The following GPATCH2L variants were observed in gnomAD, a reference collection of about 807,000 sequenced individuals.
The protein encoded by GPATCH2L is G patch domain-containing protein 2-like.
GPATCH2L carries 31 observed loss-of-function variants against 57.4 expected under a neutral mutation model. The observed-to-expected ratio is 0.54, with a 90% CI of 0.41 to 0.73. The LOEUF (loss-of-function observed/expected upper bound fraction) is 0.73, where lower values mean the gene tolerates loss of function less well. Among genes scored for constraint, GPATCH2L ranks in the 30% least tolerant of loss-of-function variants. The pLI, the probability that GPATCH2L is intolerant of heterozygous loss-of-function variation, is 0.00. For synonymous variants in GPATCH2L, 199 were observed against 210.7 expected (o/e 0.94, Z 0.48); for missense variants, 481 against 599.9 (o/e 0.80, Z 2.07).
intron 8 of GPATCH2L, among the ~76,000 whole-genome samples, chr14:76,192,418 TATG>T (rs1393794472): frequency 4.6e-5 from 7 of 152,266 alleles, no homozygotes; most frequent in African/African-American, 1.7e-4. Flanking sequence ...ACAGCGAAGA[TATG>T]ATGTTATTCT....
At chr14:76,217,278 A>G (rs977909637), downstream of GPATCH2L, among the ~76,000 whole-genome samples, 15 of 152,170 alleles carry the variant, frequency 9.9e-5, no homozygotes, top group Non-Finnish European at 1.9e-4. Context: ...CAGAGACTTT[A>G]TGTGGTCGTA....
rs1401502964 is a variant in GPATCH2L at position 76,195,952 on chromosome 14, C to A, written c.1268C>A (p.Ser423Tyr). 1 of 1,613,104 alleles carries A rather than the reference C, an allele frequency of 6.2e-7. No homozygotes were observed. Residue 423 changes from serine to tyrosine, a missense_variant, in exon 9 of 10, where the codon TCT (serine) becomes TAT (tyrosine). Around this residue, in one of 3 missense-constraint regions of GPATCH2L, gnomAD observed 248 missense variants for 270.5 expected, o/e 0.92. Coordinates refer to ENST00000261530, the MANE Select transcript of GPATCH2L (RefSeq NM_017926.4). ...AAGCGGAAACCAGTGGCCACAGCAT[C>A]TTTGTCTAGCCCCAGTGCAGGTGAT... ...KRKRKPVATA[S>Y]LSSPSAVHMD...
At chr14:76,165,421 G>C (rs539563589) in intron 2 of GPATCH2L, among the ~76,000 whole-genome samples, 1 of 151,602 alleles carries the variant, frequency 6.6e-6, no homozygotes, top group Non-Finnish European at 1.5e-5. Flanking sequence ...GAACCTGGGT[G>C]GTGGAGGTTA....
chr14:76,215,538 T>C (rs1416858871), downstream of GPATCH2L, among the ~76,000 whole-genome samples: 1 of 151,434 alleles, frequency 6.6e-6, no homozygotes, highest in Non-Finnish European at 1.5e-5. Context: ...AATGATAGAC[T>C]GGATTAAGAA....
At chr14:76,177,815 ATCT>A (rs1168352417) in intron 6 of GPATCH2L, 170 bp from the exon 7 acceptor site, 12 of 847,158 alleles carry the variant, frequency 1.4e-5, no homozygotes, top group South Asian at 1.2e-4. Context: ...CCAACATCTT[ATCT>A]TCTTCTCCCT....
chr14:76,211,066 A>G lies in GPATCH2L; in HGVS notation c.*9215A>G, dbSNP rs1220322453. On this transcript the variant is annotated 3_prime_UTR_variant, in exon 10 of 10. Coordinates refer to ENST00000261530, the MANE Select transcript of GPATCH2L (RefSeq NM_017926.4). ...GGCAGTGGAAGAAGTAAAAAAAAAC[A>G]TTGAAAGAAATCCTGAAGGATAAGC... 1 of 152,230 alleles carries G rather than the reference A, an allele frequency of 6.6e-6. No homozygotes were observed. The highest frequency in any genetic ancestry group is 2.4e-5 in the African/African-American group (1 of 41,448). The allele number at this position is 152,230 out of a possible 1,614,324, so 9.4% of individuals were successfully genotyped here. A position where few individuals can be genotyped will look rare whatever the true frequency, so the allele number is the denominator to read the frequency against.
At position 76,201,830 on chromosome 14, in the gene GPATCH2L, A is replaced by G. The variant is rs2040317033; in HGVS notation, c.1428A>G (p.Glu476=). ...CTACATTTTTTAAAATGCCACAAGA[A>G]AAGAGCCCTGGATACAGCTAGAGAG... ...TTATFFKMPQ[E]KSPGYS The change falls in exon 10 of 10, where the codon GAA becomes GAG. Residue 476 remains glutamate (E), a synonymous_variant. Coordinates refer to ENST00000261530, the MANE Select transcript of GPATCH2L (RefSeq NM_017926.4). 1.9e-6 allele frequency: 3 copies of G among 1,614,038 alleles called. No individual in the cohort carries two copies. Among genetic ancestry groups the G allele is most frequent in the Non-Finnish European group, 2.5e-6 (3 of 1,179,948 alleles).
At position 76,207,562 on chromosome 14, in the gene GPATCH2L, G is replaced by A. The variant is rs1213982863; in HGVS notation, c.*5711G>A. The A allele has an allele frequency of 6.6e-6, 1 of 151,926 alleles. No individual in the cohort carries two copies. Among genetic ancestry groups the A allele is most frequent in the East Asian group, 1.9e-4 (1 of 5,196 alleles). The allele number at this position is 151,926 out of a possible 1,614,324, so 9.4% of individuals were successfully genotyped here. A position where few individuals can be genotyped will look rare whatever the true frequency, so the allele number is the denominator to read the frequency against. The stretch of plus-strand genomic sequence containing the variant: ...AAAATTGGAAGAAAAAAACACCTTG[G>A]GTACATAGATGTGTAATAAATACCT... On this transcript the variant is annotated 3_prime_UTR_variant, in exon 10 of 10. Transcript: ENST00000261530.
rs996263197 is a variant in GPATCH2L, at chr14:76,201,911, T to C, written c.*60T>C. ...TGTTGCTGAAGCAAATGTTGGACTTTGTGTTAGATAGTCTTGCATATCTTA... is the reference window on the plus strand; with the variant it reads ...TGTTGCTGAAGCAAATGTTGGACTTCGTGTTAGATAGTCTTGCATATCTTA... On this transcript the variant is annotated 3_prime_UTR_variant, in exon 10 of 10. Transcript: ENST00000261530. 12 of 1,455,470 alleles carry C rather than the reference T, an allele frequency of 8.2e-6. No individual in the cohort carries two copies. The African/African-American group carries it at 1.3e-4, about 15-fold the overall frequency. The allele number at this position is 1,455,470 out of a possible 1,614,324, so 90.2% of individuals were successfully genotyped here.
intron 1 of GPATCH2L, chr14:76,153,803 G>C (rs1317066123): frequency 2.0e-5 from 3 of 152,214 alleles, no homozygotes; most frequent in Non-Finnish European, 4.4e-5. Context: ...TCACTAAGTT[G>C]TCTTTCTGTT....
chr14:76,152,770 G>A (rs1319610392), intron 1 of GPATCH2L: 3 of 455,708 alleles, frequency 6.6e-6, no homozygotes, highest in Admixed American at 4.7e-5. Flanking sequence ...TCTGCCTGAG[G>A]TTTTTATTTG....
intron 6 of GPATCH2L, among the ~76,000 whole-genome samples, chr14:76,177,518 A>G (rs566554302): frequency 4.0e-5 from 6 of 151,788 alleles, no homozygotes; most frequent in Admixed American, 6.6e-5. Flanking sequence ...TCCTATACAC[A>G]TCCAACTCGG....
chr14:76,172,025 T>C lies in GPATCH2L; in HGVS notation c.904+6T>C. The C allele has an allele frequency of 6.3e-7, 1 of 1,580,270 alleles. No homozygotes were observed. The highest frequency in any genetic ancestry group is 8.6e-7 in the Non-Finnish European group (1 of 1,162,446). Reference sequence around the variant, plus strand: ...TTCTCGGCCAGCTCAAAGAGGTGAGTTCTGAGGAGACCAAGAACTTAATGC... The same window carrying C: ...TTCTCGGCCAGCTCAAAGAGGTGAGCTCTGAGGAGACCAAGAACTTAATGC... On this transcript the variant is annotated splice_donor_region_variant and intron_variant, in intron 4 of 9. Transcript: ENST00000261530.
chr14:76,206,775 G>C lies in GPATCH2L; in HGVS notation c.*4924G>C, dbSNP rs560924233. 6.6e-6 allele frequency: 1 copy of C among 152,412 alleles called. No homozygotes were observed. The highest frequency in any genetic ancestry group is 1.9e-4 in the East Asian group (1 of 5,190). The allele number at this position is 152,412 out of a possible 1,614,324, so 9.4% of individuals were successfully genotyped here. A position where few individuals can be genotyped will look rare whatever the true frequency, so the allele number is the denominator to read the frequency against. ...GTCTTTGGTGCATGCTCAAGTTTGA[G>C]AACCATAGGCTTTGCCACGGTTAAA... On this transcript the variant is annotated 3_prime_UTR_variant, in exon 10 of 10. Transcript: ENST00000261530.
downstream of GPATCH2L, among the ~76,000 whole-genome samples, chr14:76,217,251 AAG>A (rs1348742595): frequency 6.6e-6 from 1 of 152,216 alleles, no homozygotes; most frequent in Non-Finnish European, 1.5e-5. Context: ...TCAATAACAA[AAG>A]AGGAGACCAT....
chr14:76,152,250 C>A lies in GPATCH2L; in HGVS notation c.-11+259C>A, dbSNP rs150137884. On this transcript the variant is annotated intron_variant, in intron 1 of 9. Transcript: ENST00000261530. ...TCTGGGGCGGGCTGCAGCCTGAGGG[C>A]TTGGTGTCCCGAGCCATGGTCGCCC... 4.5e-4 allele frequency among the ~76,000 whole-genome samples: 68 copies of A among 152,276 alleles called. 1 individual carries two copies. Among genetic ancestry groups the A allele is most frequent in the African/African-American group, 1.5e-3 (64 of 41,554 alleles).
At chr14:76,201,469 G>T (rs11620805) in intron 9 of GPATCH2L, among the ~76,000 whole-genome samples, 16 of 152,126 alleles carry the variant, frequency 1.1e-4, no homozygotes, top group African/African-American at 3.9e-4. Context: ...TATTTGTTCA[G>T]TTGAACCCAT....
At chr14:76,159,567 A>G (rs58338572) in intron 2 of GPATCH2L, among the ~76,000 whole-genome samples, 4,468 of 152,074 alleles carry the variant, frequency 0.029, 100 homozygotes, top group East Asian at 0.13. Context: ...GGACTGAGAT[A>G]GGATCATCTA....
chr14:76,174,897 A>G (rs1162533277), intron 5 of GPATCH2L: 1 of 152,206 alleles, frequency 6.6e-6, no homozygotes, highest in Non-Finnish European at 1.5e-5. Flanking sequence ...GGCCTCCCAA[A>G]GTTCTGGGAT....
Sources: gnomAD v4.1 joint callset for allele counts (sites outside exome capture counted in the v4.1 genomes callset) on GRCh38, gnomAD v4.1.1 for gene constraint, gnomAD v4.1.1 regional missense constraint, MANE v1.5 for transcripts, NCBI Gene and HGNC (gene_info 2026-07-23, HGNC 2026-07-21) for gene names.